Variants in BANP observed in about 807,000 individuals in gnomAD.
BANP encodes the protein BTG3 associated nuclear protein, also known as protein BANP.
BANP carries 11 observed loss-of-function variants against 68.1 expected under a neutral mutation model. The observed-to-expected ratio is 0.16, with a 90% CI of 0.10 to 0.27. The LOEUF is 0.27. BANP is among the 10% of genes least tolerant of loss of function. The probability of loss-of-function intolerance (pLI) is 1.00; values close to 1 mark genes in which losing one functional copy is unlikely to be tolerated. For missense variants in BANP, 504 were observed against 722.7 expected (o/e 0.70, Z 3.47); for synonymous variants, 329 against 303.2 (o/e 1.09, Z -0.88).
chr16:88,043,527 C>T (rs958131161), intron 11 of BANP, among the ~76,000 whole-genome samples: 1 of 152,168 alleles, frequency 6.6e-6, no homozygotes, highest in African/African-American at 2.4e-5. Flanking sequence ...TCATTTGCTG[C>T]CCTGGGCATG....
At chr16:88,037,843 A>C in intron 10 of BANP, 130 bp from the exon 11 acceptor site, 1 of 858,584 alleles carries the variant, frequency 1.2e-6, no homozygotes. Flanking sequence ...CTGGAGGTTG[A>C]ATTTTTGCAG....
chr16:88,023,062 A>G (rs1333063623), intron 7 of BANP, among the ~76,000 whole-genome samples: 1 of 152,158 alleles, frequency 6.6e-6, no homozygotes, highest in African/African-American at 2.4e-5. Flanking sequence ...TGAAATGGTG[A>G]GGCTGCCCTA....
In BANP at chr16:88,004,538, C is replaced by G; in HGVS notation, c.479+127C>G. On this transcript the variant is annotated intron_variant, in intron 5 of 13. Transcript: ENST00000682872. The surrounding 1 kb of genome is among the most constrained non-coding windows in gnomAD (Gnocchi z 7.0). ...CATCTCTGTGGTCACAGGGTTGAGC[C>G]TGGCAGGCACCGCCCCAGCTCTCTG... The G allele has an allele frequency of 1.6e-6, 1 of 608,418 alleles. No homozygotes were observed. Among genetic ancestry groups the G allele is most frequent in the Non-Finnish European group, 2.8e-6 (1 of 354,506 alleles). The allele number at this position is 608,418 out of a possible 1,614,324, so 37.7% of individuals were successfully genotyped here. A position where few individuals can be genotyped will look rare whatever the true frequency, so the allele number is the denominator to read the frequency against.
chr16:88,033,966 C>G (rs746670547), intron 9 of BANP, among the ~76,000 whole-genome samples: 1 of 152,180 alleles, frequency 6.6e-6, no homozygotes, highest in Non-Finnish European at 1.5e-5. Flanking sequence ...ACCACTAGAC[C>G]TCGCCTATGT....
At chr16:88,049,667 C>T (rs988604386) in intron 11 of BANP, among the ~76,000 whole-genome samples, 1 of 152,060 alleles carries the variant, frequency 6.6e-6, no homozygotes, top group Non-Finnish European at 1.5e-5. Flanking sequence ...GGGCCAGGAA[C>T]CAGGGACAAA....
intron 1 of BANP, chr16:87,959,752 AG>A (rs1384909966): frequency 1.3e-5 from 2 of 152,414 alleles, no homozygotes; most frequent in South Asian, 2.1e-4. Flanking sequence ...GTGAGAGCCC[AG>A]GTCCCGGGTG....
At chr16:88,052,901 CCATCAT>C (rs200442665) in intron 11 of BANP, among the ~76,000 whole-genome samples, 1 of 151,702 alleles carries the variant, frequency 6.6e-6, no homozygotes, top group Non-Finnish European at 1.5e-5. Flanking sequence ...ACTATCATCT[CCATCAT>C]CATCACCAAC....
chr16:88,013,724 G>A (rs761957033), intron 6 of BANP, among the ~76,000 whole-genome samples: 18 of 152,198 alleles, frequency 1.2e-4, no homozygotes, highest in Non-Finnish European at 2.6e-4. Flanking sequence ...CCTTGCCTCA[G>A]AACCTCCTTG....
chr16:88,034,812 G>GC (rs57351460), intron 9 of BANP, among the ~76,000 whole-genome samples: 85 of 152,098 alleles, frequency 5.6e-4, no homozygotes, highest in East Asian at 4.2e-3. Flanking sequence ...TTACACAGCA[G>GC]CCCCCCCTTA....
At chr16:88,027,833 C>A (rs2077299904) in intron 8 of BANP, among the ~76,000 whole-genome samples, 183 bp downstream of exon 8, 1 of 152,256 alleles carries the variant, frequency 6.6e-6, no homozygotes, top group African/African-American at 2.4e-5. Flanking sequence ...CCCGTGCGCC[C>A]TTCACACGGA....
chr16:88,072,316 G>T, intron 13 of BANP, 104 bp downstream of exon 13: 1 of 1,345,954 alleles, frequency 7.4e-7, no homozygotes, highest in South Asian at 1.4e-5. Context: ...CTCTTCCTGT[G>T]CAGAGGGCAC....
upstream of BANP, chr16:87,950,426 C>T (rs1192424836): frequency 6.9e-6 from 1 of 145,418 alleles, no homozygotes; most frequent in Non-Finnish European, 1.5e-5. Flanking sequence ...TACGTGTGCA[C>T]ATTCACGTCA....
chr16:87,972,256 A>G (rs2061261460), intron 1 of BANP, among the ~76,000 whole-genome samples: 1 of 151,540 alleles, frequency 6.6e-6, no homozygotes, highest in South Asian at 2.1e-4. Flanking sequence ...TATTTGTTCT[A>G]AGGTTCTTCT....
chr16:88,066,874 A>G (rs4843786), intron 12 of BANP, among the ~76,000 whole-genome samples: 115,298 of 152,108 alleles, frequency 0.76, 44,043 homozygotes, highest in African/African-American at 0.78. Flanking sequence ...CTCCCAGGGC[A>G]GAGGGGAGGC....
chr16:88,010,400 A>T (rs2072708242), intron 6 of BANP, among the ~76,000 whole-genome samples: 1 of 152,218 alleles, frequency 6.6e-6, no homozygotes, highest in African/African-American at 2.4e-5. Context: ...AATTGGTCCC[A>T]TGGACTTCCC....
chr16:87,983,127 G>T (rs2063607511), intron 3 of BANP, among the ~76,000 whole-genome samples: 1 of 152,154 alleles, frequency 6.6e-6, no homozygotes, highest in Non-Finnish European at 1.5e-5. Flanking sequence ...TAGGTCATGG[G>T]CAGGAAAGGA....
intron 6 of BANP, chr16:88,017,437 T>C (rs1453681159): frequency 6.6e-6 from 1 of 152,304 alleles, no homozygotes; most frequent in Non-Finnish European, 1.5e-5. Context: ...TGATCATCTG[T>C]GGAGCTTTCT....
intron 1 of BANP, among the ~76,000 whole-genome samples, chr16:87,971,068 G>T (rs1034737527): frequency 2.7e-4 from 41 of 150,814 alleles, no homozygotes; most frequent in Middle Eastern, 3.5e-3. Flanking sequence ...AATGAACATT[G>T]TAACATTTGT....
intron 4 of BANP, among the ~76,000 whole-genome samples, chr16:87,998,469 T>TG (rs2067908260): frequency 6.6e-6 from 1 of 151,994 alleles, no homozygotes; most frequent in South Asian, 2.1e-4. Context: ...CGTGGGCTGC[T>TG]GTCTGTGCCG....
Sources: allele counts gnomAD v4.1 joint callset (sites outside exome capture counted in the v4.1 genomes callset), GRCh38; gene constraint gnomAD v4.1.1; non-coding constraint Gnocchi (gnomAD v3.1); transcripts MANE v1.5; gene names NCBI Gene and HGNC (gene_info 2026-07-23, HGNC 2026-07-21).